The following RHBDF1 variants were observed in gnomAD, a reference collection of about 807,000 sequenced individuals.
RHBDF1 encodes rhomboid 5 homolog 1.
Under a neutral mutation model 98.6 loss-of-function variants are expected in RHBDF1, and 80 were observed. The observed-to-expected ratio is 0.81, with a 90% confidence interval of 0.68 to 0.98. The LOEUF is 0.98. Ranked by LOEUF, RHBDF1 falls within the 50% of genes least tolerant of loss-of-function variation. The pLI, the probability that RHBDF1 is intolerant of heterozygous loss-of-function variation, is 0.00. For synonymous variants in RHBDF1, 512 were observed against 486.8 expected (o/e 1.05, Z -0.68); for missense variants, 1,116 against 1,198.3 (o/e 0.93, Z 1.01).
At position 58,432 on chromosome 16, in the gene RHBDF1, G is replaced by A. The variant is rs1473959563; in HGVS notation, c.2476C>T (p.Pro826Ser). The A allele has an allele frequency of 1.9e-6, 3 of 1,613,960 alleles. No homozygotes were observed. The highest frequency in any genetic ancestry group is 2.5e-6 in the Non-Finnish European group (3 of 1,180,044). Residue 826 changes from proline (P) to serine (S), a missense_variant, in exon 18 of 18, where the codon CCT becomes TCT. By Grantham distance (74) the Pro-to-Ser change is moderately conservative (BLOSUM62 -1). Coordinates refer to ENST00000262316, the MANE Select transcript of RHBDF1 (RefSeq NM_022450.5). Reference sequence around the variant, plus strand: ...AACTCACACCACTCACAGCGGACAGGATAGACGTAGAAGAGGACCACCAGG... The same window carrying A: ...AACTCACACCACTCACAGCGGACAGAATAGACGTAGAAGAGGACCACCAGG... ...AGLVVLFYVY[P>S]VRCEWCEFLT...
chr16:63,257 A>G, intron 4 of RHBDF1, 75 bp from the exon 5 acceptor site: 1 of 1,274,912 alleles, frequency 7.8e-7, no homozygotes, highest in Admixed American at 2.2e-5. Flanking sequence ...GAGGCCTTGC[A>G]AAGACAGCGT....
chr16:68,665 G>GC (rs397710409), intron 1 of RHBDF1, among the ~76,000 whole-genome samples: 4 of 152,088 alleles, frequency 2.6e-5, no homozygotes, highest in Admixed American at 6.5e-5. Context: ...CAGCTGGGGG[G>GC]GCTGCGGGCA....
intron 1 of RHBDF1, among the ~76,000 whole-genome samples, chr16:68,500 C>G (rs2141865336): frequency 6.6e-6 from 1 of 152,354 alleles, no homozygotes; most frequent in Non-Finnish European, 1.5e-5. Flanking sequence ...TCTCCCCCAC[C>G]CCGCTGACCC....
chr16:73,189 A>C (rs1405540664), upstream of RHBDF1, among the ~76,000 whole-genome samples: 1 of 152,096 alleles, frequency 6.6e-6, no homozygotes, highest in Admixed American at 6.5e-5. Flanking sequence ...ACATGCACCC[A>C]CCTACTCATG....
chr16:63,093 C>A lies in RHBDF1; in HGVS notation c.552G>T (p.Pro184=), dbSNP rs776988250. The A allele has an allele frequency of 1.9e-6, 3 of 1,610,110 alleles. No individual in the cohort carries two copies. Among genetic ancestry groups the A allele is most frequent in the Non-Finnish European group, 2.5e-6 (3 of 1,178,804 alleles). ...GLSAPHTPVT[P]GAASLCSFSS... ...AGAAGGAGCAGAGGGAGGCAGCACC[C>A]GGCGTGACGGGAGTGTGTGGGGCAC... The change falls in exon 5 of 18, where the codon CCG becomes CCT. Residue 184 remains proline (P), a synonymous_variant. Transcript: ENST00000262316.
intron 1 of RHBDF1, among the ~76,000 whole-genome samples, chr16:70,512 C>T (rs1221415172): frequency 6.6e-6 from 1 of 152,242 alleles, no homozygotes; most frequent in African/African-American, 2.4e-5. Context: ...AGAGAGGCCA[C>T]AGGAGGGAAA....
At chr16:70,011 A>AGGGGGG (rs11306273) in intron 1 of RHBDF1, among the ~76,000 whole-genome samples, 2 of 79,080 alleles carry the variant, frequency 2.5e-5, no homozygotes, top group African/African-American at 5.8e-5. Context: ...ACTTGGCAGG[A>AGGGGGG]GGGGGGGGGG....
At position 59,050 on chromosome 16, in the gene RHBDF1, C is replaced by T. The variant is rs138205309; in HGVS notation, c.2072G>A (p.Arg691His). Residue 691 changes from arginine to histidine, a missense_variant, in exon 17 of 18, where the codon CGC (arginine) becomes CAC (histidine). Transcript: ENST00000262316. ...ACTCAGCAGGTAGATGATGGCTATGCGGTGCCAGCCTGCCAGCTTCTCCAG... is the reference window on the plus strand; with the variant it reads ...ACTCAGCAGGTAGATGATGGCTATGTGGTGCCAGCCTGCCAGCTTCTCCAG... Reference protein sequence around the residue: ...RDLEKLAGWHRIAIIYLLSGV... With the variant: ...RDLEKLAGWHHIAIIYLLSGV... The T allele has an allele frequency of 1.1e-5, 18 of 1,613,258 alleles. No homozygotes were observed. Among genetic ancestry groups the T allele is most frequent in the East Asian group, 4.5e-5 (2 of 44,894 alleles).
chr16:62,057 A>G lies in RHBDF1; in HGVS notation c.954-5T>C. 6.9e-7 allele frequency: 1 copy of G among 1,455,574 alleles called. No individual in the cohort carries two copies. Among genetic ancestry groups the G allele is most frequent in the African/African-American group, 1.4e-5 (1 of 70,812 alleles). The allele number at this position is 1,455,574 out of a possible 1,614,324, so 90.2% of individuals were successfully genotyped here. On this transcript the variant is annotated splice_polypyrimidine_tract_variant and splice_region_variant and intron_variant, in intron 7 of 17. Coordinates refer to ENST00000262316, the MANE Select transcript of RHBDF1 (RefSeq NM_022450.5). The stretch of plus-strand genomic sequence containing the variant: ...CGCCAGCCTCGCTCCAAGGGCCTGG[A>G]GGGAGCCGGCATTCACCTCCCGCCC...
rs755414110 is a variant in RHBDF1 at position 61,435 on chromosome 16, C to G, written c.1345G>C (p.Glu449Gln). 4 of 1,612,332 alleles carry G rather than the reference C, an allele frequency of 2.5e-6. No homozygotes were observed. In the African/African-American group the frequency reaches 4.0e-5, roughly 16 times the overall value. Residue 449 changes from glutamate to glutamine, a missense_variant, in exon 10 of 18, where the codon GAG (glutamate) becomes CAG (glutamine). Coordinates refer to ENST00000262316, the MANE Select transcript of RHBDF1 (RefSeq NM_022450.5). Reference sequence around the variant, plus strand: ...TCCTGCTGCACGTACTTGACGTTCTCGTAGACCCCGCGGTTCCGCAGCACC... The same window carrying G: ...TCCTGCTGCACGTACTTGACGTTCTGGTAGACCCCGCGGTTCCGCAGCACC... ...DSVLRNRGVY[E>Q]NVKYVQQENF... is the part of the protein sequence containing the mutation.
chr16:68,265 G>A (rs1897879881), intron 1 of RHBDF1, among the ~76,000 whole-genome samples: 1 of 152,216 alleles, frequency 6.6e-6, no homozygotes. Context: ...GTTCTGGTCT[G>A]CCCCACCCCT....
Position 65,626 on chromosome 16 carries a change from C to T in RHBDF1, c.-24-587G>A, listed in dbSNP as rs1362531514. ...GTCTGTGCCCAGGGCAAATCTCACA[C>T]CTGTCTTACCAGGCCTCACCCTCTT... On this transcript the variant is annotated intron_variant, in intron 1 of 17. Coordinates refer to ENST00000262316, the MANE Select transcript of RHBDF1 (RefSeq NM_022450.5). Among the ~76,000 whole-genome samples, 4 of 152,308 alleles carry T rather than the reference C, an allele frequency of 2.6e-5. No homozygotes were observed. In the East Asian group the frequency reaches 7.7e-4, roughly 29 times the overall value.
chr16:62,391 C>A, intron 7 of RHBDF1, 147 bp downstream of exon 7: 1 of 1,102,984 alleles, frequency 9.1e-7, no homozygotes, highest in Non-Finnish European at 1.3e-6. Context: ...GCGTCTCCCA[C>A]CCCTGGTGGC....
chr16:59,582 C>A (rs1897527960), intron 14 of RHBDF1, 88 bp from the exon 15 acceptor site: 2 of 1,483,014 alleles, frequency 1.3e-6, no homozygotes, highest in Non-Finnish European at 1.8e-6. Context: ...CACCTACCCA[C>A]CTTTGTTGGC....
upstream of RHBDF1, chr16:72,702 A>G (rs1160372739): frequency 2.1e-5 from 21 of 981,604 alleles, no homozygotes; most frequent in Non-Finnish European, 2.4e-5. Flanking sequence ...CTCAGAGCTC[A>G]GGAATGCGCG....
At chr16:64,293 G>A (rs1360602647) in intron 3 of RHBDF1, 2 of 1,336,096 alleles carry the variant, frequency 1.5e-6, no homozygotes, top group East Asian at 5.0e-5. Flanking sequence ...CCAAGCACAT[G>A]CCAGAAAACA....
At position 70,014 on chromosome 16, in the gene RHBDF1, G is replaced by C. The variant is rs1029955209; in HGVS notation, c.-25+2499C>G. On this transcript the variant is annotated intron_variant, in intron 1 of 17. Coordinates refer to ENST00000262316, the MANE Select transcript of RHBDF1 (RefSeq NM_022450.5). Reference sequence around the variant, plus strand: ...AAAGGGGCCAGCACTTGGCAGGAGGGGGGGGGGCACTGCCCCAAGGCTCAG... The same window carrying C: ...AAAGGGGCCAGCACTTGGCAGGAGGCGGGGGGGCACTGCCCCAAGGCTCAG... 3.8e-4 allele frequency among the ~76,000 whole-genome samples: 57 copies of C among 151,886 alleles called. 1 individual carries two copies. Among genetic ancestry groups the C allele is most frequent in the Admixed American group, 3.0e-3 (46 of 15,274 alleles).
chr16:63,648 A>G lies in RHBDF1; in HGVS notation c.401T>C (p.Leu134Pro). The G allele has an allele frequency of 6.2e-7, 1 of 1,607,000 alleles. No homozygotes were observed. The highest frequency in any genetic ancestry group is 1.1e-5 in the South Asian group (1 of 90,594). Residue 134 changes from leucine (L) to proline (P), a missense_variant, in exon 4 of 18, where the codon CTG becomes CCG. Physicochemically the swap from Leu to Pro is moderately conservative, Grantham distance 98. Transcript: ENST00000262316. ...LDLPSQDNVS[L>P]TSTETPPPLY... ...TGGGGGTGGCGTCTCGGTGCTGGTC[A>G]GCGACACGTTGTCCTGGCTGGGCAG...
rs996035604 is a variant in RHBDF1, at chr16:58,683, G to A, written c.2225C>T (p.Ala742Val). 5 of 1,613,082 alleles carry A rather than the reference G, an allele frequency of 3.1e-6. No homozygotes were observed. The highest frequency in any genetic ancestry group is 1.3e-5 in the African/African-American group (1 of 75,040). Residue 742 changes from alanine (A) to valine (V), a missense_variant, in exon 18 of 18, where the codon GCG becomes GTG. Transcript: ENST00000262316. ...VELFQSWQIL[A>V]RPWRAFFKLL... ...CTTGAAGAAGGCACGCCAGGGCCGC[G>A]CCAGGATCTGCCAGCTCTGGAAGAG...
Sources: gnomAD v4.1 joint callset for allele counts (sites outside exome capture counted in the v4.1 genomes callset) on GRCh38, gnomAD v4.1.1 for gene constraint, MANE v1.5 for transcripts, NCBI Gene and HGNC (gene_info 2026-07-23, HGNC 2026-07-21) for gene names.